Variants in HRH1 observed in about 807,000 individuals in gnomAD.
HRH1 encodes the protein histamine receptor H1, also known as histamine H1 receptor.
HRH1 carries 6 observed loss-of-function variants against 10.3 expected under a neutral mutation model. The observed-to-expected ratio is 0.58, with a 90% CI of 0.32 to 1.15. HRH1 has a LOEUF of 1.15. HRH1 is among the 50% of genes most tolerant of loss of function. The pLI is 0.05. For missense variants in HRH1, 514 were observed against 615.3 expected (o/e 0.84, Z 1.74); for synonymous variants, 242 against 236.7 (o/e 1.02, Z -0.21).
intron 1 of HRH1, among the ~76,000 whole-genome samples, chr3:11,210,436 C>A (rs1938288725): frequency 6.6e-6 from 1 of 152,058 alleles, no homozygotes; most frequent in South Asian, 2.1e-4. Context: ...CCCGACCTTG[C>A]AAAACTACTC....
chr3:11,204,205 TA>T (rs1938034783), intron 1 of HRH1, among the ~76,000 whole-genome samples: 1 of 152,196 alleles, frequency 6.6e-6, no homozygotes, highest in Non-Finnish European at 1.5e-5. Flanking sequence ...TACTATGTGA[TA>T]AGCCCTGAAC....
chr3:11,251,304 C>G (rs1939644906), intron 1 of HRH1, among the ~76,000 whole-genome samples: 1 of 152,196 alleles, frequency 6.6e-6, no homozygotes, highest in South Asian at 2.1e-4. Context: ...CTTGGATTAT[C>G]AAGTCTCTAT....
At chr3:11,231,288 A>G (rs1284224317) in intron 1 of HRH1, among the ~76,000 whole-genome samples, 2 of 152,244 alleles carry the variant, frequency 1.3e-5, no homozygotes. Flanking sequence ...TAAAACTGCT[A>G]TAAGCATTCA....
chr3:11,244,819 A>G (rs986823732), intron 1 of HRH1, among the ~76,000 whole-genome samples: 2 of 152,212 alleles, frequency 1.3e-5, no homozygotes, highest in African/African-American at 4.8e-5. Context: ...TTGGGTGGGA[A>G]TGGAGTGTAG....
chr3:11,240,547 T>G (rs968317588), intron 1 of HRH1, among the ~76,000 whole-genome samples: 2 of 152,078 alleles, frequency 1.3e-5, no homozygotes, highest in African/African-American at 4.8e-5. Context: ...GTAGCCTCTT[T>G]GCACATGTAC....
chr3:11,176,447 C>T (rs1395853319), intron 1 of HRH1, among the ~76,000 whole-genome samples: 1 of 152,088 alleles, frequency 6.6e-6, no homozygotes, highest in Non-Finnish European at 1.5e-5. Flanking sequence ...CCCCATTGTG[C>T]ACTGTTCTCC....
chr3:11,150,076 T>A (rs1936568484), upstream of HRH1, among the ~76,000 whole-genome samples: 1 of 152,274 alleles, frequency 6.6e-6, no homozygotes, highest in South Asian at 2.1e-4. Flanking sequence ...GATCTTTTAA[T>A]AAATGAAAGT....
At chr3:11,151,701 G>A (rs139250804), upstream of HRH1, among the ~76,000 whole-genome samples, 155 of 152,122 alleles carry the variant, frequency 1.0e-3, 1 homozygote, top group African/African-American at 3.5e-3. Context: ...TCTCCTCCCC[G>A]TGTTTCCCAG....
intron 1 of HRH1, among the ~76,000 whole-genome samples, chr3:11,200,506 C>T (rs1937863591): frequency 6.6e-6 from 1 of 152,150 alleles, no homozygotes; most frequent in Non-Finnish European, 1.5e-5. Context: ...ACAAAGCTTC[C>T]TAGAGGCCAG....
intron 1 of HRH1, among the ~76,000 whole-genome samples, chr3:11,240,484 C>T (rs745430379): frequency 6.9e-4 from 105 of 152,028 alleles, no homozygotes; most frequent in Non-Finnish European, 6.5e-4. Context: ...CTACCACTCC[C>T]TCTTGCTCCA....
intron 1 of HRH1, among the ~76,000 whole-genome samples, chr3:11,244,432 T>G (rs1415134641): frequency 2.0e-5 from 3 of 152,190 alleles, no homozygotes; most frequent in African/African-American, 7.2e-5. Flanking sequence ...TATTAGCAGC[T>G]TCCACCACAG....
intron 1 of HRH1, among the ~76,000 whole-genome samples, chr3:11,230,421 A>G (rs1400139703): frequency 6.6e-6 from 1 of 152,198 alleles, no homozygotes; most frequent in South Asian, 2.1e-4. Context: ...ACCAGTCCAG[A>G]CCTACTGGAT....
At chr3:11,256,655 T>G (rs1385610408) in intron 1 of HRH1, among the ~76,000 whole-genome samples, 1 of 151,834 alleles carries the variant, frequency 6.6e-6, no homozygotes, top group Non-Finnish European at 1.5e-5. Flanking sequence ...AAAAATTAGC[T>G]GGGCGTGGTG....
chr3:11,259,424 C>T lies in HRH1; in HGVS notation c.387C>T (p.Val129=), dbSNP rs753153115. The change falls in exon 2 of 2, where the codon GTC becomes GTT. Residue 129 remains valine, a synonymous_variant. Transcript: ENST00000431010. The surrounding 1 kb of genome is among the most constrained non-coding windows in gnomAD (Gnocchi z 4.6). ...TGTGCATTGATCGCTACCGCTCTGTCCAGCAGCCCCTCAGGTACCTTAAGT... is the reference window on the plus strand; with the variant it reads ...TGTGCATTGATCGCTACCGCTCTGTTCAGCAGCCCCTCAGGTACCTTAAGT... ...FILCIDRYRS[V]QQPLRYLKYR... The T allele has an allele frequency of 4.3e-6, 7 of 1,613,732 alleles. No individual in the cohort carries two copies. The highest frequency in any genetic ancestry group is 3.3e-5 in the Admixed American group (2 of 59,988).
chr3:11,188,151 T>G (rs2125020061), intron 1 of HRH1, among the ~76,000 whole-genome samples: 1 of 152,356 alleles, frequency 6.6e-6, no homozygotes, highest in Non-Finnish European at 1.5e-5. Context: ...TTTATCAAAT[T>G]GGCATTCAAT....
chr3:11,236,807 C>T (rs961103528), intron 1 of HRH1, among the ~76,000 whole-genome samples: 11 of 152,142 alleles, frequency 7.2e-5, no homozygotes, highest in Non-Finnish European at 1.6e-4. Flanking sequence ...GCTAAAGAGC[C>T]CCAGGTGTGG....
intron 1 of HRH1, among the ~76,000 whole-genome samples, chr3:11,161,623 A>G (rs1029298673): frequency 2.6e-5 from 4 of 152,188 alleles, no homozygotes; most frequent in African/African-American, 9.7e-5. Context: ...TGCATTCATA[A>G]CAGAGCGCCT....
intron 1 of HRH1, among the ~76,000 whole-genome samples, chr3:11,162,954 T>C (rs1936954175): frequency 6.6e-6 from 1 of 152,172 alleles, no homozygotes; most frequent in African/African-American, 2.4e-5. Context: ...CATCTGCACA[T>C]CTTAGTGGAG....
chr3:11,208,312 C>T (rs1441351428), intron 1 of HRH1, among the ~76,000 whole-genome samples: 1 of 152,082 alleles, frequency 6.6e-6, no homozygotes, highest in Non-Finnish European at 1.5e-5. Flanking sequence ...ACCACTGCGC[C>T]CAGCTAATTT....
Sources: allele counts gnomAD v4.1 joint callset (sites outside exome capture counted in the v4.1 genomes callset), GRCh38; gene constraint gnomAD v4.1.1; non-coding constraint Gnocchi (gnomAD v3.1); transcripts MANE v1.5; gene names NCBI Gene and HGNC (gene_info 2026-07-23, HGNC 2026-07-21).